Variants in MAPK14 observed in about 807,000 individuals in gnomAD.
MAPK14 encodes CSAID-binding protein.
In MAPK14, 16 loss-of-function variants were observed where a neutral mutation model predicts 49.6. That is an observed-to-expected ratio of 0.32 (90% confidence interval 0.22 to 0.49). MAPK14 has a LOEUF of 0.49. Among genes scored for constraint, MAPK14 ranks in the 20% least tolerant of loss-of-function variants. The probability of loss-of-function intolerance (pLI) is 0.99; values close to 1 mark genes in which losing one functional copy is unlikely to be tolerated. For synonymous variants in MAPK14, 142 were observed against 158.0 expected (o/e 0.90, Z 0.76); for missense variants, 200 against 441.2 (o/e 0.45, Z 4.90).
At chr6:36,092,307 C>T in intron 8 of MAPK14, 3 of 597,288 alleles carry the variant, frequency 5.0e-6, no homozygotes, top group South Asian at 2.7e-5. Context: ...CAGTTTCTTC[C>T]TCAAGCTCCC....
At chr6:36,082,766 C>T (rs1356771944) in intron 8 of MAPK14, among the ~76,000 whole-genome samples, 1 of 152,182 alleles carries the variant, frequency 6.6e-6, no homozygotes, top group Non-Finnish European at 1.5e-5. Flanking sequence ...TTTCAACATA[C>T]TTGGAGGGGA....
At chr6:36,092,317 C>T in intron 8 of MAPK14, 1 of 607,078 alleles carries the variant, frequency 1.6e-6, no homozygotes, top group Admixed American at 1.9e-5. Flanking sequence ...CTCAAGCTCC[C>T]AAAGAGCAGC....
intron 1 of MAPK14, among the ~76,000 whole-genome samples, chr6:36,050,486 G>A (rs1472369990): frequency 1.3e-5 from 2 of 152,212 alleles, no homozygotes; most frequent in East Asian, 3.8e-4. Context: ...GCTGGGTGTG[G>A]TGGAGTTTCC....
At chr6:36,099,858 A>C (rs1310882629) in intron 9 of MAPK14, among the ~76,000 whole-genome samples, 1 of 152,236 alleles carries the variant, frequency 6.6e-6, no homozygotes, top group Non-Finnish European at 1.5e-5. Context: ...TTTGGCCATC[A>C]GTACTTGAAA....
chr6:36,087,048 A>G (rs549904144), intron 8 of MAPK14, among the ~76,000 whole-genome samples: 1 of 152,338 alleles, frequency 6.6e-6, no homozygotes, highest in East Asian at 1.9e-4. Context: ...CAAAAACCAC[A>G]TGATTATCTC....
intron 9 of MAPK14, chr6:36,097,551 A>G (rs773612160): frequency 2.6e-5 from 4 of 152,174 alleles, no homozygotes; most frequent in Non-Finnish European, 5.9e-5. Flanking sequence ...GAGGAGCTCA[A>G]TTAATAAATA....
chr6:36,120,118 G>C, the MAPK14 span, among the ~76,000 whole-genome samples: 1 of 152,180 alleles, frequency 6.6e-6, no homozygotes, highest in South Asian at 2.1e-4. Context: ...TGATCAATCG[G>C]GGCCTCAGTT....
At chr6:36,055,778 A>T (rs74944827) in intron 2 of MAPK14, among the ~76,000 whole-genome samples, 66 of 140,170 alleles carry the variant, frequency 4.7e-4, no homozygotes, top group Non-Finnish European at 6.7e-4. Context: ...TTATTATATT[A>T]AAAAAAAAAA....
chr6:36,062,984 C>T (rs776182143), intron 3 of MAPK14, among the ~76,000 whole-genome samples: 13 of 152,000 alleles, frequency 8.6e-5, no homozygotes, highest in Non-Finnish European at 1.8e-4. Context: ...TCATGTGATA[C>T]GTGTATTTGT....
intron 1 of MAPK14, among the ~76,000 whole-genome samples, chr6:36,046,050 T>C (rs1056742077): frequency 2.6e-5 from 4 of 152,196 alleles, no homozygotes; most frequent in Non-Finnish European, 4.4e-5. Flanking sequence ...TCTATGTGTG[T>C]GTGACACAAG....
intron 9 of MAPK14, among the ~76,000 whole-genome samples, chr6:36,099,081 C>T (rs1464703362): frequency 1.3e-5 from 2 of 152,190 alleles, no homozygotes; most frequent in African/African-American, 4.8e-5. Context: ...CATCTGACCA[C>T]TAGGGAGTTC....
At chr6:36,086,774 C>A (rs1389270568) in intron 8 of MAPK14, among the ~76,000 whole-genome samples, 1 of 152,312 alleles carries the variant, frequency 6.6e-6, no homozygotes, top group South Asian at 2.1e-4. Flanking sequence ...AGGAGGGACT[C>A]CCCTATAACT....
intron 1 of MAPK14, among the ~76,000 whole-genome samples, chr6:36,044,900 A>G (rs1055729123): frequency 6.6e-6 from 1 of 152,150 alleles, no homozygotes; most frequent in Non-Finnish European, 1.5e-5. Context: ...TTGGGAGTCC[A>G]AGGCAGGAGG....
chr6:36,099,680 T>A (rs1394465849), intron 9 of MAPK14, among the ~76,000 whole-genome samples: 1 of 152,220 alleles, frequency 6.6e-6, no homozygotes, highest in African/African-American at 2.4e-5. Context: ...GTGGCATTGC[T>A]TATTAACCCA....
intron 6 of MAPK14, among the ~76,000 whole-genome samples, chr6:36,075,062 T>C (rs1764468906): frequency 1.3e-5 from 2 of 151,454 alleles, no homozygotes; most frequent in South Asian, 4.2e-4. Context: ...TCATCTCCAC[T>C]AAAAATACAA....
chr6:36,038,227 G>A (rs754760152), intron 1 of MAPK14, among the ~76,000 whole-genome samples: 3 of 152,130 alleles, frequency 2.0e-5, no homozygotes, highest in Non-Finnish European at 4.4e-5. Flanking sequence ...GGTGATATAG[G>A]ACACTGGTTG....
intron 1 of MAPK14, among the ~76,000 whole-genome samples, chr6:36,043,804 C>CTTTTT (rs796534477): frequency 2.8e-3 from 249 of 90,356 alleles, no homozygotes; most frequent in African/African-American, 3.6e-3. Flanking sequence ...CTTTTTCTTT[C>CTTTTT]TTTTTTTTTT....
intron 1 of MAPK14, among the ~76,000 whole-genome samples, chr6:36,034,752 A>G (rs572171584): frequency 6.6e-6 from 1 of 151,268 alleles, no homozygotes; most frequent in Admixed American, 6.6e-5. Flanking sequence ...ATTATGCTTC[A>G]CAGATAATTG....
At chr6:36,032,736 A>G (rs1294011456) in intron 1 of MAPK14, among the ~76,000 whole-genome samples, 1 of 152,218 alleles carries the variant, frequency 6.6e-6, no homozygotes, top group East Asian at 1.9e-4. Context: ...CTCTCCTGGA[A>G]CTTACAGCCT....
Sources: gnomAD v4.1 joint callset for allele counts (sites outside exome capture counted in the v4.1 genomes callset) on GRCh38, gnomAD v4.1.1 for gene constraint, MANE v1.5 for transcripts, NCBI Gene and HGNC (gene_info 2026-07-23, HGNC 2026-07-21) for gene names.